Variants in STAP1 observed in about 807,000 individuals in gnomAD.
STAP1 encodes signal transducing adaptor family member 1, also known as signal-transducing adaptor protein 1.
Under a neutral mutation model 37.8 loss-of-function variants are expected in STAP1, and 30 were observed. The ratio of observed to expected loss-of-function variants is 0.79; its 90% CI spans 0.59 to 1.08. The LOEUF (loss-of-function observed/expected upper bound fraction) is 1.08. Ranked by LOEUF, STAP1 falls within the 50% of genes least tolerant of loss-of-function variation. The pLI is 0.00. For missense variants in STAP1, 357 were observed against 349.4 expected (o/e 1.02, Z -0.17); for synonymous variants, 130 against 116.0 (o/e 1.12, Z -0.78).
At position 67,576,225 on chromosome 4, in the gene STAP1, G is replaced by A. The variant is rs1271237695; in HGVS notation, c.306+727G>A. 2.0e-5 allele frequency among the ~76,000 whole-genome samples: 3 copies of A among 152,176 alleles called. No homozygotes were observed. In the East Asian group the frequency reaches 5.8e-4, roughly 29 times the overall value. On this transcript the variant is annotated intron_variant, in intron 3 of 8. Coordinates refer to ENST00000265404, the MANE Select transcript of STAP1 (RefSeq NM_012108.4). ...TGGCAACGTTTTTCTCCTCTCCTAT[G>A]CCCCTAGTTGGACTCCTAATCTCTC...
chr4:67,605,388 C>CAAAAAAAAAAAA (rs10643250), intron 8 of STAP1, among the ~76,000 whole-genome samples: 1 of 124,742 alleles, frequency 8.0e-6, no homozygotes. Flanking sequence ...ATAGACAATA[C>CAAAAAAAAAAAA]AAAAAAAAAA....
intron 1 of STAP1, among the ~76,000 whole-genome samples, chr4:67,559,887 A>T (rs1560452948): frequency 1.3e-5 from 2 of 152,162 alleles, no homozygotes; most frequent in African/African-American, 2.4e-5. Context: ...ATATAATCAG[A>T]TCATTTACTA....
intron 6 of STAP1, among the ~76,000 whole-genome samples, chr4:67,590,165 TAC>T (rs984118374): frequency 6.6e-6 from 1 of 152,212 alleles, no homozygotes; most frequent in African/African-American, 2.4e-5. Flanking sequence ...AATGCTAGAA[TAC>T]AGTGATGAAT....
chr4:67,569,878 C>T (rs1041936405), intron 1 of STAP1, among the ~76,000 whole-genome samples: 5 of 152,040 alleles, frequency 3.3e-5, no homozygotes, highest in Non-Finnish European at 5.9e-5. Flanking sequence ...TACAGGTGCA[C>T]GTCACAATGC....
intron 7 of STAP1, 96 bp downstream of exon 7, chr4:67,591,049 A>G: frequency 1.4e-6 from 1 of 737,230 alleles, no homozygotes; most frequent in Non-Finnish European, 2.2e-6. Flanking sequence ...GGAGCCCTGA[A>G]TGTGGCAGAT....
At position 67,558,911 on chromosome 4, in the gene STAP1, C is replaced by G. The variant is rs553942120; in HGVS notation, c.102C>G (p.Ile34Met). ...TGTACTTTGAAGGTTTTTTATTAAT[C>G]AAGCGGTCAGGATACCGGGTGAGTC... ...LPLYFEGFLL[I>M]KRSGYREYEH... The change falls in exon 1 of 9, where the codon ATC (isoleucine) becomes ATG (methionine). Residue 34 changes from isoleucine to methionine, a missense_variant. Transcript: ENST00000265404. 5.9e-4 allele frequency: 957 copies of G among 1,612,690 alleles called. 9 individuals carry two copies. The South Asian group carries it at 9.6e-3, about 16-fold the overall frequency.
At chr4:67,565,979 T>G (rs965463758) in intron 1 of STAP1, among the ~76,000 whole-genome samples, 2 of 145,180 alleles carry the variant, frequency 1.4e-5, no homozygotes, top group African/African-American at 5.1e-5. Flanking sequence ...GACAGAGTCT[T>G]TCTCTGTCGC....
At chr4:67,583,779 C>T in intron 6 of STAP1, 77 bp downstream of exon 6, 2 of 1,506,504 alleles carry the variant, frequency 1.3e-6, no homozygotes, top group Non-Finnish European at 1.8e-6. Flanking sequence ...TCAGCACCTG[C>T]TATGTGTTTC....
Position 67,581,294 on chromosome 4 carries a change from A to G in STAP1, c.364-11A>G, listed in dbSNP as rs1430208926. ...GTTTTCTTGCCTGCCTACTCTTTTA[A>G]TTGGTTTCAGCTGTCAGTTCCCCAA... is the stretch of plus-strand genomic sequence containing the variant. On this transcript the variant is annotated splice_polypyrimidine_tract_variant and intron_variant, in intron 4 of 8. Coordinates refer to ENST00000265404, the MANE Select transcript of STAP1 (RefSeq NM_012108.4). 2.5e-6 allele frequency: 4 copies of G among 1,607,830 alleles called. No homozygotes were observed. The highest frequency in any genetic ancestry group is 3.4e-6 in the Non-Finnish European group (4 of 1,177,758).
intron 1 of STAP1, among the ~76,000 whole-genome samples, chr4:67,559,146 G>C (rs1404830555): frequency 1.3e-5 from 2 of 152,084 alleles, no homozygotes; most frequent in African/African-American, 4.8e-5. Context: ...TATAATAACA[G>C]AGGTTGTAAT....
intron 1 of STAP1, among the ~76,000 whole-genome samples, chr4:67,570,006 C>T (rs768510516): frequency 1.2e-4 from 19 of 152,160 alleles, no homozygotes; most frequent in Non-Finnish European, 2.4e-4. Context: ...GTTGGGATTA[C>T]AGCGTGAGCC....
intron 8 of STAP1, among the ~76,000 whole-genome samples, chr4:67,604,005 T>C (rs1024003824): frequency 6.6e-6 from 1 of 152,188 alleles, no homozygotes; most frequent in Non-Finnish European, 1.5e-5. Context: ...CCTAGATCAC[T>C]TTAGCCTGTG....
intron 7 of STAP1, 67 bp downstream of exon 7, chr4:67,591,020 C>T: frequency 8.0e-7 from 1 of 1,245,100 alleles, no homozygotes; most frequent in Non-Finnish European, 1.1e-6. Context: ...CTAGTGCTGG[C>T]AAAAAGCAGC....
At chr4:67,568,146 T>C (rs1727513701) in intron 1 of STAP1, among the ~76,000 whole-genome samples, 1 of 152,204 alleles carries the variant, frequency 6.6e-6, no homozygotes, top group African/African-American at 2.4e-5. Flanking sequence ...TCGTCATTAT[T>C]TGAGAAAATA....
At chr4:67,572,359 CAG>C (rs1727623562) in intron 2 of STAP1, among the ~76,000 whole-genome samples, 1 of 152,166 alleles carries the variant, frequency 6.6e-6, no homozygotes, top group Non-Finnish European at 1.5e-5. Context: ...GCCTAGGACT[CAG>C]AGGAAAGAGT....
chr4:67,583,712 T>A lies in STAP1; in HGVS notation c.659+10T>A. The stretch of plus-strand genomic sequence containing the variant: ...TTCGGCAGGAGATAGAGTATGTTTA[T>A]TTTTTTTAAATGTATGGAATTTTTA... On this transcript the variant is annotated intron_variant, in intron 6 of 8. Transcript: ENST00000265404. The A allele has an allele frequency of 6.3e-7, 1 of 1,593,796 alleles. No individual in the cohort carries two copies. Among genetic ancestry groups the A allele is most frequent in the Admixed American group, 1.8e-5 (1 of 56,836 alleles).
chr4:67,595,451 A>AGG (rs928427095), intron 8 of STAP1, among the ~76,000 whole-genome samples: 2 of 150,188 alleles, frequency 1.3e-5, no homozygotes, highest in African/African-American at 4.9e-5. Flanking sequence ...TGGGAGGGTG[A>AGG]GGCAGCCAGA....
At chr4:67,587,469 C>T (rs1279327358) in intron 6 of STAP1, among the ~76,000 whole-genome samples, 1 of 152,212 alleles carries the variant, frequency 6.6e-6, no homozygotes, top group Non-Finnish European at 1.5e-5. Flanking sequence ...TCCACCTTTA[C>T]CTAGCCCAAT....
At chr4:67,594,609 C>T (rs773927965) in intron 8 of STAP1, among the ~76,000 whole-genome samples, 7 of 152,144 alleles carry the variant, frequency 4.6e-5, no homozygotes, top group Non-Finnish European at 1.0e-4. Flanking sequence ...CAATTTCTGG[C>T]TTTGAAACAA....
Sources: allele counts gnomAD v4.1 joint callset (sites outside exome capture counted in the v4.1 genomes callset), GRCh38; gene constraint gnomAD v4.1.1; transcripts MANE v1.5; gene names NCBI Gene and HGNC (gene_info 2026-07-23, HGNC 2026-07-21).